Variants in HECTD3 observed in about 807,000 individuals in gnomAD.
HECTD3 encodes E3 ubiquitin-protein ligase HECTD3.
In HECTD3, 72 loss-of-function variants were observed where a neutral mutation model predicts 109.3. That is an observed-to-expected ratio of 0.66 (90% confidence interval 0.54 to 0.80). The LOEUF is 0.80. Among genes scored for constraint, HECTD3 ranks in the 30% least tolerant of loss-of-function variants. The pLI, the probability that HECTD3 is intolerant of heterozygous loss-of-function variation, is 0.00. For synonymous variants in HECTD3, 481 were observed against 471.8 expected (o/e 1.02, Z -0.25); for missense variants, 1,041 against 1,165.2 (o/e 0.89, Z 1.55).
chr1:45,008,454 C>T (rs1466555564), intron 8 of HECTD3, 82 bp downstream of exon 8: 4 of 1,530,874 alleles, frequency 2.6e-6, no homozygotes, highest in Non-Finnish European at 3.6e-6. Flanking sequence ...TACTATGAGA[C>T]CTTGGGAACC....
intron 2 of HECTD3, 105 bp from the exon 3 acceptor site, chr1:45,010,398 TCCG>T: frequency 6.9e-7 from 1 of 1,444,908 alleles, no homozygotes; most frequent in Non-Finnish European, 9.7e-7. Flanking sequence ...CCAGTCTCCC[TCCG>T]AGCCCCCTTC....
At position 45,009,291 on chromosome 1, in the gene HECTD3, TCTCA is replaced by T. The variant is rs1644762964; in HGVS notation, c.990-69_990-66del. The T allele has an allele frequency of 2.6e-6, 4 of 1,542,464 alleles. No homozygotes were observed. In the South Asian group the frequency reaches 3.3e-5, roughly 13 times the overall value. On this transcript the variant is annotated intron_variant, in intron 6 of 20. Transcript: ENST00000372172. ...CTCAGGCCTTCAGAGACTGCTGGAGTCTCACTCAAACTTAGGCTTTCAAGCTGGG... is the reference window on the plus strand; with the variant it reads ...CTCAGGCCTTCAGAGACTGCTGGAGTCTCAAACTTAGGCTTTCAAGCTGGG...
In HECTD3 at chr1:45,003,338, G is replaced by A; in HGVS notation, c.*154C>T. ...TGGGCCACTAGTGTTACCTGACCAT[G>A]CCAGCTGCCCCTACCCCAACTGCAC... is the stretch of plus-strand genomic sequence containing the variant. On this transcript the variant is annotated 3_prime_UTR_variant, in exon 21 of 21. Transcript: ENST00000372172. The surrounding 1 kb of genome is among the most constrained non-coding windows in gnomAD (Gnocchi z 4.7). The A allele has an allele frequency of 1.5e-6, 1 of 661,378 alleles. No homozygotes were observed. The highest frequency in any genetic ancestry group is 2.8e-5 in the East Asian group (1 of 36,286). The allele number at this position is 661,378 out of a possible 1,614,324, so 41.0% of individuals were successfully genotyped here.
rs377298019 is a variant in HECTD3 at position 45,003,563 on chromosome 1, C to T, written c.2515G>A (p.Glu839Lys). ...LPHYASAKVC[E>K]EKLRYAAYNC... is the part of the protein sequence containing the mutation. The stretch of plus-strand genomic sequence containing the variant: ...TAGGCCGCATAGCGGAGCTTCTCCT[C>T]GCATACCTTGGCACTGTGGGAATGG... Residue 839 changes from glutamate to lysine, a missense_variant, in exon 21 of 21, where the codon GAG becomes AAG. Glu to Lys is a moderately conservative substitution (Grantham distance 56, BLOSUM62 1). This residue lies in a region of HECTD3 where 569 missense variants were observed against 715.3 expected (regional missense o/e 0.80). Transcript: ENST00000372172. The surrounding 1 kb of genome is among the most constrained non-coding windows in gnomAD (Gnocchi z 4.7). 10 of 1,614,086 alleles carry T rather than the reference C, an allele frequency of 6.2e-6. No individual in the cohort carries two copies. The highest frequency in any genetic ancestry group is 1.3e-5 in the African/African-American group (1 of 74,944).
intron 6 of HECTD3, 69 bp from the exon 7 acceptor site, chr1:45,009,295 A>G: frequency 6.5e-7 from 1 of 1,538,878 alleles, no homozygotes; most frequent in Non-Finnish European, 9.0e-7. Flanking sequence ...CTGGAGTCTC[A>G]CTCAAACTTA....
At position 45,009,287 on chromosome 1, in the gene HECTD3, G is replaced by A. The variant is rs1644762814; in HGVS notation, c.990-61C>T. Reference sequence around the variant, plus strand: ...CTGCCTCAGGCCTTCAGAGACTGCTGGAGTCTCACTCAAACTTAGGCTTTC... The same window carrying A: ...CTGCCTCAGGCCTTCAGAGACTGCTAGAGTCTCACTCAAACTTAGGCTTTC... On this transcript the variant is annotated intron_variant, in intron 6 of 20. Coordinates refer to ENST00000372172, the MANE Select transcript of HECTD3 (RefSeq NM_024602.6). 1.9e-6 allele frequency: 3 copies of A among 1,544,382 alleles called. No homozygotes were observed. The Admixed American group carries it at 5.0e-5, about 26-fold the overall frequency.
At chr1:45,008,141 C>A in intron 9 of HECTD3, 99 bp downstream of exon 9, 1 of 906,902 alleles carries the variant, frequency 1.1e-6, no homozygotes, top group South Asian at 1.6e-5. Flanking sequence ...CAGCAAAGGT[C>A]TTGCCCTAGA....
rs368385769 is a variant in HECTD3, at chr1:45,010,052, G to T, written c.693C>A (p.Gly231=). 2 of 1,569,144 alleles carry T rather than the reference G, an allele frequency of 1.3e-6. No individual in the cohort carries two copies. The highest frequency in any genetic ancestry group is 1.7e-6 in the Non-Finnish European group (2 of 1,153,806). ...CGCTACCCAGGTTCTCATCCTCCTT[G>T]CCCAGGTGGTCATACAAGAAGTGGA... ...DLIHFLYDHL[G]KEDENLGSVK... The change falls in exon 4 of 21, where the codon GGC becomes GGA. Residue 231 remains glycine (G), a synonymous_variant. Transcript: ENST00000372172.
rs1644741217 is a variant in HECTD3, at chr1:45,006,983, C to T, written c.1589G>A (p.Cys530Tyr). 6.2e-7 allele frequency: 1 copy of T among 1,614,102 alleles called. No homozygotes were observed. The highest frequency in any genetic ancestry group is 1.1e-5 in the South Asian group (1 of 91,082). ...WPMRYDQWWE[C>Y]KFIAEGIIDQ... ...AATGATGCCTTCTGCAATAAATTTA[C>T]ACTCCCACCACTGGTCATAGCGCAT... Residue 530 changes from cysteine to tyrosine, a missense_variant, in exon 12 of 21, where the codon TGT becomes TAT. This residue lies in a region of HECTD3 where 569 missense variants were observed against 715.3 expected (regional missense o/e 0.80). Transcript: ENST00000372172. This position sits in a 1 kb window ranked among gnomAD's most constrained non-coding sequence, Gnocchi z 4.7.
Position 45,008,562 on chromosome 1 carries a change from C to T in HECTD3, c.1212G>A (p.Leu404=). ...PRLEGTDPEV[L]YRRAVLLQRF... The stretch of plus-strand genomic sequence containing the variant: ...TCTGCAGGAGGACAGCTCTGCGGTA[C>T]AGTACTTCAGGGTCGGTGCCTTCTA... The change falls in exon 8 of 21, where the codon CTG becomes CTA. Residue 404 remains leucine (L), a synonymous_variant. Transcript: ENST00000372172. 1.2e-6 allele frequency: 2 copies of T among 1,613,978 alleles called. No homozygotes were observed. The highest frequency in any genetic ancestry group is 1.7e-6 in the Non-Finnish European group (2 of 1,179,906).
At position 45,006,772 on chromosome 1, in the gene HECTD3, C is replaced by A. The variant is rs1557728221; in HGVS notation, c.1645G>T (p.Ala549Ser). Residue 549 changes from alanine (A) to serine (S), a missense_variant, in exon 13 of 21, where the codon GCA (alanine) becomes TCA (serine). Coordinates refer to ENST00000372172, the MANE Select transcript of HECTD3 (RefSeq NM_024602.6). The surrounding 1 kb of genome is among the most constrained non-coding windows in gnomAD (Gnocchi z 4.7). ...GGGCACAGCTCTTCTGACATATCTGCCAGGCTGTCCCGGAAACCACCCCCT... is the reference window on the plus strand; with the variant it reads ...GGGCACAGCTCTTCTGACATATCTGACAGGCTGTCCCGGAAACCACCCCCT... Reference protein sequence around the residue: ...DQGGGFRDSLADMSEELCPSS... With the variant: ...DQGGGFRDSLSDMSEELCPSS... 2 of 1,613,324 alleles carry A rather than the reference C, an allele frequency of 1.2e-6. No individual in the cohort carries two copies. Among genetic ancestry groups the A allele is most frequent in the Non-Finnish European group, 8.5e-7 (1 of 1,179,572 alleles).
Position 45,010,130 on chromosome 1 carries a change from C to T in HECTD3, c.624-9G>A, listed in dbSNP as rs1177436619. On this transcript the variant is annotated splice_polypyrimidine_tract_variant and intron_variant, in intron 3 of 20. Transcript: ENST00000372172. ...ATGTCGGGGGTACATAGCTAAGCAA[C>T]CCCAAGCCCCTAATTAGACTGGGCC... The T allele has an allele frequency of 4.3e-6, 7 of 1,612,790 alleles. No homozygotes were observed. The African/African-American group carries it at 5.3e-5, about 12-fold the overall frequency.
chr1:45,008,188 A>G, intron 9 of HECTD3, 52 bp downstream of exon 9: 1 of 1,400,774 alleles, frequency 7.1e-7, no homozygotes, highest in Non-Finnish European at 1.0e-6. Context: ...ATGAACAACT[A>G]CGTGAGCAGG....
Position 45,008,281 on chromosome 1 carries a change from G to GTA in HECTD3, c.1277_1278dup (p.Pro427TyrfsTer17). ...GTGCCCAGTGTGTGGTCCCAGGCAG[G>GTA]TACCAGGTGGTGCAGGACACTATCG... On this transcript the variant is annotated frameshift_variant, in exon 9 of 21. Coordinates refer to ENST00000372172, the MANE Select transcript of HECTD3 (RefSeq NM_024602.6). LOFTEE classifies it high-confidence loss of function. 7 of 1,614,160 alleles carry GTA rather than the reference G, an allele frequency of 4.3e-6. No homozygotes were observed. The highest frequency in any genetic ancestry group is 5.9e-6 in the Non-Finnish European group (7 of 1,179,988).
intron 4 of HECTD3, 130 bp downstream of exon 4, chr1:45,009,856 G>A (rs1644768863): frequency 2.4e-6 from 3 of 1,231,340 alleles, no homozygotes; most frequent in East Asian, 4.7e-5. Context: ...TCCAAGATGG[G>A]GAGCTGAACT....
Position 45,004,254 on chromosome 1 carries a change from T to A in HECTD3, c.2266A>T (p.Lys756Ter). ...DPEVTVDALR[K>*]LTRFEDFEPS... Reference sequence around the variant, plus strand: ...CCTGCCTTGGGGAACTCACTGAGCTTGCGCAGAGCATCCACAGTGACCTCT... The same window carrying A: ...CCTGCCTTGGGGAACTCACTGAGCTAGCGCAGAGCATCCACAGTGACCTCT... The change falls in exon 17 of 21, where the codon AAG becomes TAG. Residue 756 changes from lysine to a stop codon, truncating the protein, a stop_gained. Transcript: ENST00000372172. LOFTEE classifies it high-confidence loss of function. The A allele has an allele frequency of 6.2e-7, 1 of 1,614,014 alleles. No individual in the cohort carries two copies. The highest frequency in any genetic ancestry group is 8.5e-7 in the Non-Finnish European group (1 of 1,179,884).
chr1:45,007,144 G>T (rs1644742800), intron 11 of HECTD3, 75 bp downstream of exon 11: 5 of 1,428,356 alleles, frequency 3.5e-6, no homozygotes, highest in Non-Finnish European at 4.9e-6. Context: ...GTGTGTGTGT[G>T]TGTGTGTGTG....
At chr1:45,004,203 T>C (rs761970903) in intron 17 of HECTD3, 45 bp downstream of exon 17, 13 of 1,613,640 alleles carry the variant, frequency 8.1e-6, no homozygotes, top group Admixed American at 1.7e-5. Flanking sequence ...CCAACCCCTG[T>C]GCTGTGCTGT....
chr1:45,008,348 A>G lies in HECTD3; in HGVS notation c.1239-27T>C, dbSNP rs1276855166. ...TGGCATGGGTAGATAGACTGCAGCT[A>G]AAGAGTTTAGCATACCTGTAACACC... is the stretch of plus-strand genomic sequence containing the variant. On this transcript the variant is annotated intron_variant, in intron 8 of 20. Coordinates refer to ENST00000372172, the MANE Select transcript of HECTD3 (RefSeq NM_024602.6). 2.5e-6 allele frequency: 4 copies of G among 1,597,248 alleles called. No individual in the cohort carries two copies. In the African/African-American group the frequency reaches 4.0e-5, roughly 16 times the overall value.
Sources: allele counts gnomAD v4.1 joint callset, GRCh38; gene constraint gnomAD v4.1.1; regional missense constraint gnomAD v4.1.1; non-coding constraint Gnocchi (gnomAD v3.1); transcripts MANE v1.5; gene names NCBI Gene and HGNC (gene_info 2026-07-23, HGNC 2026-07-21).